Variants in SP140 observed in about 807,000 individuals in gnomAD.
SP140 encodes nuclear body protein SP140.
SP140 carries 81 observed loss-of-function variants against 125.0 expected under a neutral mutation model. That is an observed-to-expected ratio of 0.65 (90% CI 0.54 to 0.78). The LOEUF is 0.78. Ranked by LOEUF, SP140 falls within the 30% of genes least tolerant of loss-of-function variation. The pLI is 0.00. For synonymous variants in SP140, 312 were observed against 354.0 expected, an observed-to-expected ratio of 0.88 and a Z score of 1.33; for missense variants, 858 against 1,037.0, an observed-to-expected ratio of 0.83 and a Z score of 2.37.
At chr2:230,310,294 T>C in intron 23 of SP140, 1 of 521,530 alleles carries the variant, frequency 1.9e-6, no homozygotes, top group Non-Finnish European at 3.4e-6. Context: ...ATACCGGCAT[T>C]GTCCTTTCCT....
chr2:230,303,800 A>G (rs1374964950), intron 22 of SP140, among the ~76,000 whole-genome samples: 1 of 152,218 alleles, frequency 6.6e-6, no homozygotes, highest in Non-Finnish European at 1.5e-5. Context: ...AGCCAACATA[A>G]TACTGAAATG....
At chr2:230,257,233 G>A (rs2051370255) in intron 12 of SP140, among the ~76,000 whole-genome samples, 1 of 151,846 alleles carries the variant, frequency 6.6e-6, no homozygotes, top group African/African-American at 2.4e-5. Flanking sequence ...GAGAGATAAG[G>A]AAACATTATC....
At chr2:230,286,672 G>A (rs982070608) in intron 17 of SP140, among the ~76,000 whole-genome samples, 5 of 152,202 alleles carry the variant, frequency 3.3e-5, no homozygotes, top group African/African-American at 1.2e-4. Context: ...GGATGTGAGT[G>A]AAGGGCTGAA....
At chr2:230,305,630 T>C (rs1306361496) in intron 22 of SP140, among the ~76,000 whole-genome samples, 1 of 152,166 alleles carries the variant, frequency 6.6e-6, no homozygotes, top group Non-Finnish European at 1.5e-5. Context: ...AAGATGGAGC[T>C]GGGCCAGTGG....
Position 230,237,644 on chromosome 2 carries a change from G to C in SP140, c.237+384G>C, listed in dbSNP as rs2048177108. 5.9e-6 allele frequency: 1 copy of C among 170,012 alleles called. No individual in the cohort carries two copies. Among genetic ancestry groups the C allele is most frequent in the Non-Finnish European group, 1.2e-5 (1 of 80,498 alleles). 10.5% of individuals were successfully genotyped at this position (170,012 alleles called of 1,614,324 possible). On this transcript the variant is annotated intron_variant, in intron 2 of 26. Transcript: ENST00000392045. The surrounding 1 kb of genome is among the most constrained non-coding windows in gnomAD (Gnocchi z 5.4). ...TTTTTTTGAAACTCACAGTGAAGTT[G>C]TGTCATTTTAGGTTACATTTGGAAG...
At chr2:230,290,365 T>A (rs1441744453) in intron 18 of SP140, 95 bp from the exon 19 acceptor site, 1 of 1,129,792 alleles carries the variant, frequency 8.9e-7, no homozygotes, top group East Asian at 2.5e-5. Context: ...TAGAATTTCC[T>A]AAGTATCCCT....
chr2:230,256,004 C>T (rs67994404), intron 12 of SP140, among the ~76,000 whole-genome samples: 11,385 of 152,152 alleles, frequency 0.075, 605 homozygotes, highest in South Asian at 0.19. Flanking sequence ...TTTATTTTTT[C>T]TAGCTATCAA....
chr2:230,287,834 A>C, intron 17 of SP140, 58 bp from the exon 18 acceptor site: 1 of 1,422,948 alleles, frequency 7.0e-7, no homozygotes. Flanking sequence ...GAAAAGCTGT[A>C]ATATGTGTAA....
At chr2:230,258,710 A>G (rs1003735582) in intron 12 of SP140, among the ~76,000 whole-genome samples, 1 of 152,232 alleles carries the variant, frequency 6.6e-6, no homozygotes, top group Non-Finnish European at 1.5e-5. Flanking sequence ...TTGTTACTGA[A>G]CAATTGTTGG....
chr2:230,288,458 T>TTTCC (rs2056686718), intron 18 of SP140, among the ~76,000 whole-genome samples: 1 of 32,708 alleles, frequency 3.1e-5, no homozygotes, highest in Non-Finnish European at 6.5e-5. Context: ...GCCAACTATC[T>TTTCC]TTCTTTCTTT....
intron 5 of SP140, 42 bp from the exon 6 acceptor site, chr2:230,244,946 C>A: frequency 7.1e-7 from 1 of 1,409,000 alleles, no homozygotes; most frequent in South Asian, 1.2e-5. Context: ...CAGGAGCATC[C>A]TGAGGTCTGT....
chr2:230,248,015 G>A lies in SP140; in HGVS notation c.842G>A (p.Arg281Lys), dbSNP rs1224509197. Residue 281 changes from arginine (R) to lysine (K), a missense_variant, in exon 8 of 27, where the codon AGA becomes AAA. Coordinates refer to ENST00000392045, the MANE Select transcript of SP140 (RefSeq NM_007237.5). ...EEEGRNSPRK[R>K]NQDKEKYQES... is the part of the protein sequence containing the mutation. ...GAAGGCAGGAACAGTCCCAGAAAAAGAAACCAAGACAAGGAGAAGTACCAA... is the reference window on the plus strand; with the variant it reads ...GAAGGCAGGAACAGTCCCAGAAAAAAAAACCAAGACAAGGAGAAGTACCAA... 1 of 1,613,668 alleles carries A rather than the reference G, an allele frequency of 6.2e-7. No individual in the cohort carries two copies. Among genetic ancestry groups the A allele is most frequent in the Admixed American group, 1.7e-5 (1 of 59,938 alleles).
At chr2:230,226,762 C>CAAAAAAAAAAAAAAAAAAAAAAAAAAA (rs11323886) in intron 1 of SP140, among the ~76,000 whole-genome samples, 1 of 94,264 alleles carries the variant, frequency 1.1e-5, no homozygotes, top group Non-Finnish European at 2.1e-5. Flanking sequence ...AATTCCATCT[C>CAAAAAAAAAAAAAAAAAAAAAAAAAAA]AAAAAAAAAA....
chr2:230,284,252 T>C, intron 15 of SP140, 94 bp from the exon 16 acceptor site: 1 of 1,263,614 alleles, frequency 7.9e-7, no homozygotes, highest in Non-Finnish European at 1.1e-6. Flanking sequence ...CGGACCAAAG[T>C]ATGAAAAAAA....
intron 15 of SP140, chr2:230,270,842 C>A: frequency 1.6e-6 from 1 of 624,206 alleles, no homozygotes; most frequent in Non-Finnish European, 3.0e-6. Flanking sequence ...TTTACAGATA[C>A]AATTAAGCTA....
chr2:230,187,142 C>T, the SP140 span, among the ~76,000 whole-genome samples: 1 of 152,166 alleles, frequency 6.6e-6, no homozygotes, highest in Non-Finnish European at 1.5e-5. Flanking sequence ...ATTCCCTTTT[C>T]ACCACGTCCA....
intron 18 of SP140, among the ~76,000 whole-genome samples, chr2:230,289,169 G>A (rs144935533): frequency 0.017 from 2,651 of 152,280 alleles, 99 homozygotes; most frequent in African/African-American, 0.061. Flanking sequence ...TCTAACTGGC[G>A]TGAGATGGTA....
chr2:230,223,739 A>T (rs866234409), upstream of SP140, among the ~76,000 whole-genome samples: 2 of 152,234 alleles, frequency 1.3e-5, no homozygotes, highest in African/African-American at 2.4e-5. Flanking sequence ...GGCAAATTAA[A>T]TTACAGCACT....
chr2:230,232,171 G>A (rs1361669016), intron 1 of SP140, among the ~76,000 whole-genome samples: 2 of 152,336 alleles, frequency 1.3e-5, no homozygotes, highest in Admixed American at 1.3e-4. Flanking sequence ...CTTCTTGCCA[G>A]AAGGATAAAG....
Sources: allele counts gnomAD v4.1 joint callset (sites outside exome capture counted in the v4.1 genomes callset), GRCh38; gene constraint gnomAD v4.1.1; non-coding constraint Gnocchi (gnomAD v3.1); transcripts MANE v1.5; gene names NCBI Gene and HGNC (gene_info 2026-07-23, HGNC 2026-07-21).